The following VWA5B2 variants were observed in gnomAD, a reference collection of about 807,000 sequenced individuals.
The protein encoded by VWA5B2 is von Willebrand factor A domain-containing protein 5B2.
VWA5B2 carries 93 observed loss-of-function variants against 118.5 expected under a neutral mutation model. The ratio of observed to expected loss-of-function variants is 0.79; its 90% CI spans 0.66 to 0.93. VWA5B2 has a LOEUF of 0.93. VWA5B2 is among the 40% of genes least tolerant of loss of function. The pLI is 0.00. For synonymous variants in VWA5B2, 708 were observed against 716.3 expected (o/e 0.99, Z 0.19); for missense variants, 1,546 against 1,672.8 (o/e 0.92, Z 1.32).
At position 184,239,962 on chromosome 3, in the gene VWA5B2, T is replaced by A. The variant is rs1014524783; in HGVS notation, c.2666T>A (p.Leu889Gln). 3.9e-6 allele frequency: 6 copies of A among 1,550,904 alleles called. No homozygotes were observed. The highest frequency in any genetic ancestry group is 5.2e-6 in the Non-Finnish European group (6 of 1,146,958). Residue 889 changes from leucine to glutamine, a missense_variant, in exon 16 of 20, where the codon CTG (leucine) becomes CAG (glutamine). Leu to Gln is a moderately radical substitution (Grantham distance 113, BLOSUM62 -2). Coordinates refer to ENST00000691901, the MANE Select transcript of VWA5B2 (RefSeq NM_001390846.1). The surrounding 1 kb of genome is among the most constrained non-coding windows in gnomAD (Gnocchi z 5.1). ...EAAWDQALHR[L>Q]TAASVVRDNE... ...GCTTGGGACCAAGCACTCCATCGGC[T>A]GACAGCAGCCTCTGTGGTCCGGGAC...
chr3:184,240,342 C>T (rs1560157414), intron 16 of VWA5B2: 4 of 383,832 alleles, frequency 1.0e-5, no homozygotes, highest in Admixed American at 4.1e-5. Flanking sequence ...TGATTCACAG[C>T]ACCCACAACG....
chr3:184,241,139 C>A lies in VWA5B2; in HGVS notation c.2962+32C>A, dbSNP rs1718574163. 3 of 1,551,578 alleles carry A rather than the reference C, an allele frequency of 1.9e-6. No individual in the cohort carries two copies. Among genetic ancestry groups the A allele is most frequent in the East Asian group, 2.4e-5 (1 of 40,922 alleles). ...CCCAAAGGTAGGGAAAGGGTAGGGG[C>A]ACTTGGGCTTAGAGACCGCCCCCTG... On this transcript the variant is annotated intron_variant, in intron 18 of 19. Transcript: ENST00000691901. This position sits in a 1 kb window ranked among gnomAD's most constrained non-coding sequence, Gnocchi z 5.1.
At chr3:184,234,129 A>G (rs1164278033) in intron 5 of VWA5B2, 137 bp from the exon 6 acceptor site, 6 of 1,152,224 alleles carry the variant, frequency 5.2e-6, no homozygotes. Context: ...AAGCAGGCAC[A>G]TCCTCCCTCG....
Position 184,236,764 on chromosome 3 carries a change from G to C in VWA5B2, c.1533+15G>C, listed in dbSNP as rs1217033746. 6.7e-7 allele frequency: 1 copy of C among 1,502,984 alleles called. No individual in the cohort carries two copies. The highest frequency in any genetic ancestry group is 8.9e-7 in the Non-Finnish European group (1 of 1,121,560). 93.1% of individuals were successfully genotyped at this position (1,502,984 alleles called of 1,614,324 possible). A position where few individuals can be genotyped will look rare whatever the true frequency, so the allele number is the denominator to read the frequency against. On this transcript the variant is annotated intron_variant, in intron 11 of 19. Coordinates refer to ENST00000691901, the MANE Select transcript of VWA5B2 (RefSeq NM_001390846.1). ...TGCAGCCCATGGTGAGCTTGAGCCT[G>C]GGCCCTGTTCCCTACACCTGGAAGT...
intron 3 of VWA5B2, among the ~76,000 whole-genome samples, chr3:184,231,564 C>T (rs573123856): frequency 6.6e-6 from 1 of 152,342 alleles, no homozygotes; most frequent in East Asian, 1.9e-4. Flanking sequence ...GCCTTTTGTG[C>T]CCCCTCGTTA....
chr3:184,230,342 G>A, intron 1 of VWA5B2, 38 bp from the exon 2 acceptor site: 3 of 645,642 alleles, frequency 4.6e-6, no homozygotes, highest in Non-Finnish European at 6.9e-6. Flanking sequence ...CACCACGCCT[G>A]CCGCCCCCTT....
Position 184,241,658 on chromosome 3 carries a change from G to A in VWA5B2, c.3349G>A (p.Gly1117Ser). ...LPWALLGPGV[G>S]QGDSATASCS... Reference sequence around the variant, plus strand: ...CTGGGCACTTCTGGGCCCTGGTGTTGGCCAGGGTGACAGTGCCACGGCCTC... The same window carrying A: ...CTGGGCACTTCTGGGCCCTGGTGTTAGCCAGGGTGACAGTGCCACGGCCTC... Residue 1117 changes from glycine (G) to serine (S), a missense_variant, in exon 20 of 20, where the codon GGC becomes AGC. Around this residue, in one of 3 missense-constraint regions of VWA5B2, gnomAD observed 763 missense variants for 766.6 expected, o/e 1.00. Coordinates refer to ENST00000691901, the MANE Select transcript of VWA5B2 (RefSeq NM_001390846.1). This position sits in a 1 kb window ranked among gnomAD's most constrained non-coding sequence, Gnocchi z 5.1. 1 of 1,535,220 alleles carries A rather than the reference G, an allele frequency of 6.5e-7. No individual in the cohort carries two copies. Among genetic ancestry groups the A allele is most frequent in the Non-Finnish European group, 8.7e-7 (1 of 1,143,948 alleles).
chr3:184,238,863 C>T lies in VWA5B2; in HGVS notation c.2192C>T (p.Ala731Val). Residue 731 changes from alanine (A) to valine (V), a missense_variant, in exon 14 of 20, where the codon GCT becomes GTT. This residue lies in a region of VWA5B2 where 763 missense variants were observed against 766.6 expected (regional missense o/e 1.00). Coordinates refer to ENST00000691901, the MANE Select transcript of VWA5B2 (RefSeq NM_001390846.1). This position sits in a 1 kb window ranked among gnomAD's most constrained non-coding sequence, Gnocchi z 5.0. ...TGTCCCCTGCCTGCACCCACACCAG[C>T]TCCATTCAAGGTGAGATCCAACCCA... ...RSCPLPAPTPAPFKVGALSTE... is the reference protein window; with the variant it reads ...RSCPLPAPTPVPFKVGALSTE... The T allele has an allele frequency of 6.7e-7, 1 of 1,501,172 alleles. No individual in the cohort carries two copies. The highest frequency in any genetic ancestry group is 9.0e-7 in the Non-Finnish European group (1 of 1,116,658). The allele number at this position is 1,501,172 out of a possible 1,614,324, so 93.0% of individuals were successfully genotyped here. A position where few individuals can be genotyped will look rare whatever the true frequency, so the allele number is the denominator to read the frequency against.
Position 184,231,010 on chromosome 3 carries a change from T to C in VWA5B2, c.310+93T>C, listed in dbSNP as rs1009880083. The C allele has an allele frequency of 9.1e-5, 109 of 1,191,874 alleles. 3 individuals are homozygous for C. The African/African-American group carries it at 1.4e-3, about 16-fold the overall frequency. The allele number at this position is 1,191,874 out of a possible 1,614,324, so 73.8% of individuals were successfully genotyped here. A position where few individuals can be genotyped will look rare whatever the true frequency, so the allele number is the denominator to read the frequency against. On this transcript the variant is annotated intron_variant, in intron 3 of 19. Transcript: ENST00000691901. ...GGCCTCCGCCCGTCCCCCGCCTTCCTCCGGGCACTGCCTTGTGCATTCATT... is the reference window on the plus strand; with the variant it reads ...GGCCTCCGCCCGTCCCCCGCCTTCCCCCGGGCACTGCCTTGTGCATTCATT...
chr3:184,240,226 G>T (rs1357736873), intron 16 of VWA5B2, among the ~76,000 whole-genome samples, 190 bp downstream of exon 16: 1 of 152,090 alleles, frequency 6.6e-6, no homozygotes, highest in Non-Finnish European at 1.5e-5. Context: ...TGAGAATGAG[G>T]TTATATTAAA....
rs376799097 is a variant in VWA5B2, at chr3:184,240,691, G to A, written c.2741-100G>A. On this transcript the variant is annotated intron_variant, in intron 16 of 19. Coordinates refer to ENST00000691901, the MANE Select transcript of VWA5B2 (RefSeq NM_001390846.1). Reference sequence around the variant, plus strand: ...CAAGGCAATCTACTCTGTTAAAGTCGATAGAGGGAGAAGCTGGGGAGAACA... The same window carrying A: ...CAAGGCAATCTACTCTGTTAAAGTCAATAGAGGGAGAAGCTGGGGAGAACA... 2,529 of 1,466,598 alleles carry A rather than the reference G, an allele frequency of 1.7e-3. 6 individuals are homozygous for A. The highest frequency in any genetic ancestry group is 2.8e-3 in the Admixed American group (124 of 44,262). The allele number at this position is 1,466,598 out of a possible 1,614,324, so 90.8% of individuals were successfully genotyped here. A position where few individuals can be genotyped will look rare whatever the true frequency, so the allele number is the denominator to read the frequency against.
chr3:184,234,423 C>T (rs1717741118), intron 6 of VWA5B2, 26 bp downstream of exon 6: 9 of 1,550,286 alleles, frequency 5.8e-6, no homozygotes, highest in Non-Finnish European at 7.9e-6. Context: ...ACACCGTGGG[C>T]CGGCTCTGAC....
Position 184,235,211 on chromosome 3 carries a change from T to A in VWA5B2, c.1004T>A (p.Leu335Gln). 1 of 1,551,712 alleles carries A rather than the reference T, an allele frequency of 6.4e-7. No homozygotes were observed. The highest frequency in any genetic ancestry group is 8.7e-7 in the Non-Finnish European group (1 of 1,146,984). Residue 335 changes from leucine to glutamine, a missense_variant, in exon 8 of 20, where the codon CTG (leucine) becomes CAG (glutamine). By Grantham distance (113) the Leu-to-Gln change is moderately radical. Around this residue, in one of 3 missense-constraint regions of VWA5B2, gnomAD observed 775 missense variants for 882.3 expected, o/e 0.88. Transcript: ENST00000691901. ...ATCCTGCTGAACCCCGTGCTGGCGC[T>A]GAGCTTCTGCCCAGACCTGAGCTCC... ...KDILLNPVLA[L>Q]SFCPDLSSKP...
rs1232321656 is a variant in VWA5B2 at position 184,237,803 on chromosome 3, AC to A, written c.1719+394del. ...GGACACGCAGTGATGGATGAGCATA[AC>A]CTAGGCACAATCTCTAATCCCAGCT... is the stretch of plus-strand genomic sequence containing the variant. On this transcript the variant is annotated intron_variant, in intron 12 of 19. Transcript: ENST00000691901. This position sits in a 1 kb window ranked among gnomAD's most constrained non-coding sequence, Gnocchi z 5.6. 6.6e-6 allele frequency among the ~76,000 whole-genome samples: 1 copy of A among 152,196 alleles called. No individual in the cohort carries two copies. Among genetic ancestry groups the A allele is most frequent in the Non-Finnish European group, 1.5e-5 (1 of 68,032 alleles).
Position 184,238,728 on chromosome 3 carries a change from C to G in VWA5B2, c.2057C>G (p.Ser686Cys). The change falls in exon 14 of 20, where the codon TCC becomes TGC. Residue 686 changes from serine (S) to cysteine (C), a missense_variant. By Grantham distance (112) the Ser-to-Cys change is moderately radical. Around this residue, in one of 3 missense-constraint regions of VWA5B2, gnomAD observed 763 missense variants for 766.6 expected, o/e 1.00. Coordinates refer to ENST00000691901, the MANE Select transcript of VWA5B2 (RefSeq NM_001390846.1). The surrounding 1 kb of genome is among the most constrained non-coding windows in gnomAD (Gnocchi z 5.0). ...CCAGGCTCCACAGGCAGCAGTGAGT[C>G]CCCAGGCTCACAGGGCCCTGGCTCC... is the stretch of plus-strand genomic sequence containing the variant. ...PGPGSTGSSE[S>C]PGSQGPGSPE... 6.4e-7 allele frequency: 1 copy of G among 1,551,022 alleles called. No homozygotes were observed. The highest frequency in any genetic ancestry group is 8.7e-7 in the Non-Finnish European group (1 of 1,146,978).
rs1019757081 is a variant in VWA5B2, at chr3:184,233,031, A to G, written c.311-147A>G. On this transcript the variant is annotated intron_variant, in intron 3 of 19. Coordinates refer to ENST00000691901, the MANE Select transcript of VWA5B2 (RefSeq NM_001390846.1). The surrounding 1 kb of genome is among the most constrained non-coding windows in gnomAD (Gnocchi z 5.2). ...CTGCCATCATTCATCTCATGCCTCCATCCTGCGTCACCAATGCATTAGCCT... is the reference window on the plus strand; with the variant it reads ...CTGCCATCATTCATCTCATGCCTCCGTCCTGCGTCACCAATGCATTAGCCT... 3.9e-5 allele frequency: 26 copies of G among 668,490 alleles called. No individual in the cohort carries two copies. In the African/African-American group the frequency reaches 4.2e-4, roughly 11 times the overall value. 41.4% of individuals were successfully genotyped at this position (668,490 alleles called of 1,614,324 possible).
Position 184,237,295 on chromosome 3 carries a change from G to A in VWA5B2, c.1603G>A (p.Asp535Asn), listed in dbSNP as rs996922341. The A allele has an allele frequency of 1.4e-5, 22 of 1,551,496 alleles. No homozygotes were observed. The highest frequency in any genetic ancestry group is 4.9e-5 in the East Asian group (2 of 40,920). ...CATCTCTGTGGACTGGTTTGTGCCC[G>A]ACACTGTGGAGGCACTGCTGACCCC... is the stretch of plus-strand genomic sequence containing the variant. ...SDISVDWFVP[D>N]TVEALLTPRE... Residue 535 changes from aspartate to asparagine, a missense_variant, in exon 12 of 20, where the codon GAC becomes AAC. Physicochemically the swap from Asp to Asn is conservative, Grantham distance 23 (BLOSUM62 1). Coordinates refer to ENST00000691901, the MANE Select transcript of VWA5B2 (RefSeq NM_001390846.1). This position sits in a 1 kb window ranked among gnomAD's most constrained non-coding sequence, Gnocchi z 5.6.
At position 184,239,943 on chromosome 3, in the gene VWA5B2, G is replaced by C; in HGVS notation, c.2647G>C (p.Asp883His). 6.4e-7 allele frequency: 1 copy of C among 1,551,216 alleles called. No individual in the cohort carries two copies. The highest frequency in any genetic ancestry group is 8.7e-7 in the Non-Finnish European group (1 of 1,146,976). ...ACCTCCTGTAAGAGAAGCTGCTTGG[G>C]ACCAAGCACTCCATCGGCTGACAGC... ...PSPPVREAAW[D>H]QALHRLTAAS... The change falls in exon 16 of 20, where the codon GAC becomes CAC. Residue 883 changes from aspartate (D) to histidine (H), a missense_variant. By Grantham distance (81) the Asp-to-His change is moderately conservative. Around this residue, in one of 3 missense-constraint regions of VWA5B2, gnomAD observed 763 missense variants for 766.6 expected, o/e 1.00. Transcript: ENST00000691901. This position sits in a 1 kb window ranked among gnomAD's most constrained non-coding sequence, Gnocchi z 5.1.
At position 184,241,879 on chromosome 3, in the gene VWA5B2, A is replaced by G; in HGVS notation, c.3570A>G (p.Thr1190=). The part of the protein sequence containing the change: ...CAAAFDEWEL[T]AAKADCWLRA... ...CTGCCTTCGACGAGTGGGAACTGAC[A>G]GCGGCCAAGGCTGATTGCTGGCTGC... Residue 1190 remains threonine (T), a synonymous_variant, in exon 20 of 20, where the codon ACA becomes ACG. Transcript: ENST00000691901. This position sits in a 1 kb window ranked among gnomAD's most constrained non-coding sequence, Gnocchi z 5.1. The G allele has an allele frequency of 1.9e-6, 3 of 1,546,650 alleles. No homozygotes were observed. The highest frequency in any genetic ancestry group is 1.2e-5 in the South Asian group (1 of 84,018).
Sources: gnomAD v4.1 joint callset for allele counts (sites outside exome capture counted in the v4.1 genomes callset) on GRCh38, gnomAD v4.1.1 for gene constraint, gnomAD v4.1.1 regional missense constraint, Gnocchi (gnomAD v3.1) non-coding constraint, MANE v1.5 for transcripts, NCBI Gene and HGNC (gene_info 2026-07-23, HGNC 2026-07-21) for gene names.